The following GALNTL6 variants were observed in gnomAD, a reference collection of about 807,000 sequenced individuals.
GALNTL6 encodes the protein polypeptide N-acetylgalactosaminyltransferase-like 6.
Under a neutral mutation model 73.7 loss-of-function variants are expected in GALNTL6, and 46 were observed. The observed-to-expected ratio is 0.62, with a 90% CI of 0.49 to 0.80. The LOEUF (loss-of-function observed/expected upper bound fraction) is 0.80, where lower values mean the gene tolerates loss of function less well. Ranked by LOEUF, GALNTL6 falls within the 30% of genes least tolerant of loss-of-function variation. The pLI is 0.00. For synonymous variants in GALNTL6, 259 were observed against 263.7 expected (o/e 0.98, Z 0.17); for missense variants, 604 against 755.0 (o/e 0.80, Z 2.34).
At chr4:172,830,284 A>G (rs1380760384) in intron 7 of GALNTL6, among the ~76,000 whole-genome samples, 2 of 152,232 alleles carry the variant, frequency 1.3e-5, no homozygotes, top group African/African-American at 2.4e-5. Context: ...TAGTAAAAAG[A>G]TGACCAATAG....
chr4:172,879,966 C>A (rs893178982), intron 7 of GALNTL6, among the ~76,000 whole-genome samples: 1 of 152,038 alleles, frequency 6.6e-6, no homozygotes, highest in Non-Finnish European at 1.5e-5. Context: ...GATACCACTA[C>A]ACACCTATTA....
intron 5 of GALNTL6, among the ~76,000 whole-genome samples, chr4:172,431,269 T>C (rs1249522514): frequency 1.3e-5 from 2 of 152,168 alleles, no homozygotes; most frequent in African/African-American, 4.8e-5. Flanking sequence ...TACGATGCAT[T>C]CCAATCAGAA....
chr4:172,268,986 C>G (rs1738545812), intron 3 of GALNTL6, among the ~76,000 whole-genome samples: 1 of 151,944 alleles, frequency 6.6e-6, no homozygotes, highest in African/African-American at 2.4e-5. Context: ...AAGAGGAAGC[C>G]CTTTAGTCAG....
Position 172,067,033 on chromosome 4 carries a change from A to G in GALNTL6, c.139-162623A>G, listed in dbSNP as rs1731385408. Among the ~76,000 whole-genome samples, 2 of 151,912 alleles carry G rather than the reference A, an allele frequency of 1.3e-5. 1 individual carries two copies. ...TACCATAAAGGATGATGTGTCTTAG[A>G]TTTTAACAGTGGTTAATCCCTCCAC... On this transcript the variant is annotated intron_variant, in intron 2 of 12. Coordinates refer to ENST00000506823, the MANE Select transcript of GALNTL6 (RefSeq NM_001034845.3).
intron 5 of GALNTL6, among the ~76,000 whole-genome samples, chr4:172,783,078 G>T (rs1022792830): frequency 8.3e-4 from 126 of 151,496 alleles, no homozygotes; most frequent in Non-Finnish European, 1.5e-3. Context: ...TGCACCACTT[G>T]AAACATAACC....
intron 11 of GALNTL6, among the ~76,000 whole-genome samples, chr4:173,011,046 C>A (rs1752532350): frequency 1.3e-5 from 2 of 152,166 alleles, no homozygotes; most frequent in Non-Finnish European, 2.9e-5. Context: ...GGATAAAAGC[C>A]ATTTCAACTG....
intron 2 of GALNTL6, among the ~76,000 whole-genome samples, chr4:171,991,103 A>G (rs1020394552): frequency 2.0e-5 from 3 of 152,126 alleles, no homozygotes; most frequent in African/African-American, 7.2e-5. Flanking sequence ...AAAAATTAAT[A>G]ACCTTCCAAA....
chr4:172,077,233 A>G (rs1260896427), intron 2 of GALNTL6, among the ~76,000 whole-genome samples: 1 of 152,208 alleles, frequency 6.6e-6, no homozygotes, highest in Non-Finnish European at 1.5e-5. Flanking sequence ...GAAAATGTGG[A>G]AGTGGCTTTG....
chr4:172,435,649 A>G (rs1313133753), intron 5 of GALNTL6, among the ~76,000 whole-genome samples: 4 of 152,174 alleles, frequency 2.6e-5, no homozygotes, highest in Non-Finnish European at 5.9e-5. Flanking sequence ...AGAAACTAAA[A>G]TAGATCCAAG....
Position 171,814,860 on chromosome 4 carries a change from T to G in GALNTL6, c.138+142T>G, listed in dbSNP as rs955298851. The G allele has an allele frequency of 2.6e-5, 20 of 760,494 alleles. No individual in the cohort carries two copies. In the African/African-American group the frequency reaches 2.8e-4, roughly 11 times the overall value. The allele number at this position is 760,494 out of a possible 1,614,324, so 47.1% of individuals were successfully genotyped here. A position where few individuals can be genotyped will look rare whatever the true frequency, so the allele number is the denominator to read the frequency against. ...CTGATTATTACAAGACTCTAGAGAC[T>G]TTGGGGTTTAAGCAAGTAGATGTTT... On this transcript the variant is annotated intron_variant, in intron 2 of 12. Coordinates refer to ENST00000506823, the MANE Select transcript of GALNTL6 (RefSeq NM_001034845.3).
intron 5 of GALNTL6, among the ~76,000 whole-genome samples, chr4:172,794,207 A>G (rs1740145097): frequency 1.3e-5 from 2 of 152,220 alleles, no homozygotes; most frequent in Admixed American, 1.3e-4. Context: ...TTTTGCAAAT[A>G]CATTTTACAC....
At chr4:172,783,124 GTCCAAT>G (rs1739463339) in intron 5 of GALNTL6, among the ~76,000 whole-genome samples, 1 of 150,900 alleles carries the variant, frequency 6.6e-6, no homozygotes, top group South Asian at 2.1e-4. Context: ...GCCACGGCAG[GTCCAAT>G]TCCTAAATCA....
chr4:172,160,077 A>T (rs187729770), intron 2 of GALNTL6, among the ~76,000 whole-genome samples: 3 of 152,098 alleles, frequency 2.0e-5, no homozygotes, highest in African/African-American at 7.2e-5. Context: ...GAAGGCTTGG[A>T]TAACAGATGT....
At chr4:172,175,079 A>T (rs573897104) in intron 2 of GALNTL6, among the ~76,000 whole-genome samples, 309 of 146,248 alleles carry the variant, frequency 2.1e-3, no homozygotes, top group African/African-American at 7.3e-3. Context: ...ACAAACAAGA[A>T]TTTTTTTTTT....
At chr4:172,760,509 C>T (rs1738020809) in intron 5 of GALNTL6, among the ~76,000 whole-genome samples, 1 of 152,220 alleles carries the variant, frequency 6.6e-6, no homozygotes, top group East Asian at 1.9e-4. Flanking sequence ...CCCTGAGATG[C>T]TTGCTCTGCT....
rs192492904 is a variant in GALNTL6 at position 172,491,016 on chromosome 4, C to A, written c.553+142327C>A. 2.8e-3 allele frequency among the ~76,000 whole-genome samples: 384 copies of A among 137,732 alleles called. 2 individuals carry two copies. Among genetic ancestry groups the A allele is most frequent in the Non-Finnish European group, 2.1e-3 (135 of 64,306 alleles). 90.4% of individuals were successfully genotyped at this position (137,732 alleles called of 152,430 possible). On this transcript the variant is annotated intron_variant, in intron 5 of 12. Coordinates refer to ENST00000506823, the MANE Select transcript of GALNTL6 (RefSeq NM_001034845.3). ...AGTCCTTGGCCCATGTAGTCAGGACCTTATGTTGTCAAAAACAAAGACAAA... is the reference window on the plus strand; with the variant it reads ...AGTCCTTGGCCCATGTAGTCAGGACATTATGTTGTCAAAAACAAAGACAAA...
intron 5 of GALNTL6, among the ~76,000 whole-genome samples, chr4:172,782,203 A>T (rs747218378): frequency 3.6e-4 from 55 of 152,310 alleles, no homozygotes; most frequent in Non-Finnish European, 6.8e-4. Context: ...AGAGATATCA[A>T]CATGGGGCAA....
intron 5 of GALNTL6, among the ~76,000 whole-genome samples, chr4:172,725,504 G>A (rs887101646): frequency 1.2e-4 from 18 of 152,174 alleles, no homozygotes; most frequent in African/African-American, 4.1e-4. Flanking sequence ...TAACTGGAGA[G>A]ACTCTTTATC....
intron 5 of GALNTL6, among the ~76,000 whole-genome samples, chr4:172,756,023 T>A (rs1737728684): frequency 6.6e-6 from 1 of 152,234 alleles, no homozygotes; most frequent in Admixed American, 6.5e-5. Context: ...AGCATTTTTT[T>A]AGCTGTCAAT....
Sources: gnomAD v4.1 joint callset for allele counts (sites outside exome capture counted in the v4.1 genomes callset) on GRCh38, gnomAD v4.1.1 for gene constraint, MANE v1.5 for transcripts, NCBI Gene and HGNC (gene_info 2026-07-23, HGNC 2026-07-21) for gene names.